The following HSPA13 variants were observed in gnomAD, a reference collection of about 807,000 sequenced individuals.
The protein encoded by HSPA13 is heat shock 70 kDa protein 13.
A neutral mutation model predicts 38.8 loss-of-function variants in HSPA13; 29 were observed. The observed-to-expected ratio is 0.75, with a 90% CI of 0.56 to 1.02. The LOEUF (loss-of-function observed/expected upper bound fraction) is 1.02. HSPA13 is among the 50% of genes least tolerant of loss of function. The pLI is 0.00. For synonymous variants in HSPA13, 192 were observed against 205.3 expected, an observed-to-expected ratio of 0.94 and a Z score of 0.56; for missense variants, 451 against 560.9, an observed-to-expected ratio of 0.80 and a Z score of 1.98.
intron 4 of HSPA13, among the ~76,000 whole-genome samples, chr21:14,374,559 G>A (rs767146775): frequency 6.6e-6 from 1 of 152,082 alleles, no homozygotes; most frequent in Non-Finnish European, 1.5e-5. Flanking sequence ...GCAAGACCCT[G>A]CCTCTATAAA....
intron 4 of HSPA13, 41 bp from the exon 5 acceptor site, chr21:14,374,325 G>A (rs1186858607): frequency 3.6e-6 from 5 of 1,391,872 alleles, no homozygotes. Flanking sequence ...ATGCATATAT[G>A]TGTGTATGTA....
chr21:14,373,535 CT>C lies in HSPA13; in HGVS notation c.*81del. ...AGGTAAATCTGTGATATTTTAGAGA[CT>C]TTCTTTTGTGGAAAAGGTAATCTGA... On this transcript the variant is annotated 3_prime_UTR_variant, in exon 5 of 5. Transcript: ENST00000285667. 1.6e-6 allele frequency: 2 copies of C among 1,228,576 alleles called. No homozygotes were observed. Among genetic ancestry groups the C allele is most frequent in the Non-Finnish European group, 2.2e-6 (2 of 892,336 alleles). 76.1% of individuals were successfully genotyped at this position (1,228,576 alleles called of 1,614,324 possible). A position where few individuals can be genotyped will look rare whatever the true frequency, so the allele number is the denominator to read the frequency against.
At chr21:14,382,456 T>C (rs1031987637) in intron 1 of HSPA13, among the ~76,000 whole-genome samples, 4 of 152,174 alleles carry the variant, frequency 2.6e-5, no homozygotes, top group African/African-American at 7.2e-5. Flanking sequence ...TCCGCTCATA[T>C]TACATATGAC....
chr21:14,375,408 G>A (rs2123523206), intron 4 of HSPA13, among the ~76,000 whole-genome samples: 1 of 145,980 alleles, frequency 6.9e-6, no homozygotes, highest in South Asian at 2.1e-4. Flanking sequence ...GAATTCTGGG[G>A]GAAAAAAAGG....
At position 14,373,931 on chromosome 21, in the gene HSPA13, T is replaced by C; in HGVS notation, c.1102A>G (p.Lys368Glu). The C allele has an allele frequency of 1.2e-6, 2 of 1,614,218 alleles. No homozygotes were observed. Among genetic ancestry groups the C allele is most frequent in the Non-Finnish European group, 8.5e-7 (1 of 1,180,036 alleles). ...QVLFETEISR[K>E]LFDTLNEDLF... The stretch of plus-strand genomic sequence containing the variant: ...TCTTCATTAAGGGTATCAAAGAGTT[T>C]CCGTGATATTTCTGTTTCAAATAAA... Residue 368 changes from lysine to glutamate, a missense_variant, in exon 5 of 5, where the codon AAA becomes GAA. Transcript: ENST00000285667.
intron 4 of HSPA13, among the ~76,000 whole-genome samples, chr21:14,375,245 C>T (rs962789083): frequency 2.0e-5 from 3 of 152,138 alleles, no homozygotes; most frequent in Non-Finnish European, 4.4e-5. Context: ...CATGAAAAGT[C>T]CTACTGGCTA....
At chr21:14,382,441 C>G (rs1310646202) in intron 1 of HSPA13, among the ~76,000 whole-genome samples, 1 of 152,122 alleles carries the variant, frequency 6.6e-6, no homozygotes, top group Non-Finnish European at 1.5e-5. Context: ...TGTTATACAC[C>G]TGTGTCCGCT....
At position 14,378,272 on chromosome 21, in the gene HSPA13, A is replaced by G. The variant is rs750315825; in HGVS notation, c.507T>C (p.Asn169=). 1.4e-5 allele frequency: 23 copies of G among 1,614,064 alleles called. No homozygotes were observed. The highest frequency in any genetic ancestry group is 2.2e-5 in the South Asian group (2 of 91,086). The part of the protein sequence containing the change: ...AEAYLGMPVA[N]AVISVPAEFD... Reference sequence around the variant, plus strand: ...ATTCTGCTGGTACAGAAATGACAGCATTGGCAACTGGCATTCCAAGATATG... The same window carrying G: ...ATTCTGCTGGTACAGAAATGACAGCGTTGGCAACTGGCATTCCAAGATATG... Residue 169 remains asparagine (N), a synonymous_variant, in exon 3 of 5, where the codon AAT becomes AAC. Transcript: ENST00000285667.
chr21:14,374,936 G>A lies in HSPA13; in HGVS notation c.749-652C>T, dbSNP rs553525522. On this transcript the variant is annotated intron_variant, in intron 4 of 4. Coordinates refer to ENST00000285667, the MANE Select transcript of HSPA13 (RefSeq NM_006948.5). The stretch of plus-strand genomic sequence containing the variant: ...AATAATTTCAAAGGAAAAGAGTAGT[G>A]TAATATAATTTCCTGGTATTTAACT... Among the ~76,000 whole-genome samples, 121 of 152,014 alleles carry A rather than the reference G, an allele frequency of 8.0e-4. 3 individuals are homozygous for A. The South Asian group carries it at 0.019, about 24-fold the overall frequency.
intron 2 of HSPA13, among the ~76,000 whole-genome samples, chr21:14,380,901 G>T (rs1449665322): frequency 6.6e-6 from 1 of 152,158 alleles, no homozygotes; most frequent in Non-Finnish European, 1.5e-5. Flanking sequence ...TACACACACA[G>T]AATATCTATC....
In HSPA13 at chr21:14,373,725, T is replaced by C. The variant is rs2123521514; in HGVS notation, c.1308A>G (p.Val436=). 1 of 1,614,214 alleles carries C rather than the reference T, an allele frequency of 6.2e-7. No individual in the cohort carries two copies. The highest frequency in any genetic ancestry group is 8.5e-7 in the Non-Finnish European group (1 of 1,180,022). ...PNTSVDPDLA[V]VTGVAIQAGI... ...CTGCTTGGATAGCCACTCCCGTTAC[T>C]ACTGCTAGGTCAGGGTCTACAGATG... Residue 436 remains valine (V), a synonymous_variant, in exon 5 of 5, where the codon GTA becomes GTG. Coordinates refer to ENST00000285667, the MANE Select transcript of HSPA13 (RefSeq NM_006948.5).
chr21:14,381,757 AAAC>A (rs1208492530), intron 1 of HSPA13, among the ~76,000 whole-genome samples: 2 of 152,186 alleles, frequency 1.3e-5, no homozygotes, highest in East Asian at 1.9e-4. Context: ...AAGTAAACAC[AAAC>A]AACAAAAAAC....
Position 14,373,649 on chromosome 21 carries a change from T to C in HSPA13, c.1384A>G (p.Asn462Asp), listed in dbSNP as rs762582059. 1.9e-6 allele frequency: 3 copies of C among 1,612,466 alleles called. No individual in the cohort carries two copies. The South Asian group carries it at 3.3e-5, about 18-fold the overall frequency. ...AAGTTGGTTTTTTGTAAATGCTTAT[T>C]GGGAATTTCTAAAGCACTGACTTGG... ...PLQVSALEIP[N>D]KHLQKTNFN is the part of the protein sequence containing the mutation. Residue 462 changes from asparagine to aspartate, a missense_variant, in exon 5 of 5, where the codon AAT (asparagine) becomes GAT (aspartate). Transcript: ENST00000285667.
rs1329403124 is a variant in HSPA13 at position 14,372,566 on chromosome 21, T to A, written c.*1051A>T. On this transcript the variant is annotated 3_prime_UTR_variant, in exon 5 of 5. Transcript: ENST00000285667. ...ATGTTTGAAAAGAGTCCAAGTGTGA[T>A]TATTTAAAAATAATAATAGAAAACA... The A allele has an allele frequency of 1.3e-5, 2 of 152,140 alleles. No individual in the cohort carries two copies. Among genetic ancestry groups the A allele is most frequent in the Non-Finnish European group, 2.9e-5 (2 of 67,978 alleles). The allele number at this position is 152,140 out of a possible 1,614,324, so 9.4% of individuals were successfully genotyped here. A position where few individuals can be genotyped will look rare whatever the true frequency, so the allele number is the denominator to read the frequency against.
intron 3 of HSPA13, among the ~76,000 whole-genome samples, chr21:14,377,090 C>T (rs533557540): frequency 6.6e-6 from 1 of 152,258 alleles, no homozygotes; most frequent in East Asian, 1.9e-4. Flanking sequence ...AGGCTAGGGA[C>T]GCTGTTAAAT....
rs1226584384 is a variant in HSPA13, at chr21:14,374,089, T to C, written c.944A>G (p.Glu315Gly). Residue 315 changes from glutamate (E) to glycine (G), a missense_variant, in exon 5 of 5, where the codon GAG (glutamate) becomes GGG (glycine). Coordinates refer to ENST00000285667, the MANE Select transcript of HSPA13 (RefSeq NM_006948.5). ...AQLSVLLTVE[E>G]QDRKEPHSSD... ...ACTGTGAGGTTCCTTCCTGTCCTGC[T>C]CCTCCACCGTTAGTAATACTGACAA... 1.2e-6 allele frequency: 2 copies of C among 1,614,028 alleles called. No individual in the cohort carries two copies. Among genetic ancestry groups the C allele is most frequent in the Non-Finnish European group, 1.7e-6 (2 of 1,180,038 alleles).
chr21:14,381,626 C>T (rs1314153033), intron 1 of HSPA13, 83 bp from the exon 2 acceptor site: 14 of 1,202,120 alleles, frequency 1.2e-5, no homozygotes, highest in East Asian at 1.0e-4. Context: ...CCTTTAATAT[C>T]ACTCGTTGAA....
At position 14,371,153 on chromosome 21, in the gene HSPA13, A is replaced by G. The variant is rs989644930; in HGVS notation, c.*2464T>C. 1 of 152,644 alleles carries G rather than the reference A, an allele frequency of 6.6e-6. No homozygotes were observed. The highest frequency in any genetic ancestry group is 1.5e-5 in the Non-Finnish European group (1 of 68,024). 9.5% of individuals were successfully genotyped at this position (152,644 alleles called of 1,614,324 possible). On this transcript the variant is annotated 3_prime_UTR_variant, in exon 5 of 5. Coordinates refer to ENST00000285667, the MANE Select transcript of HSPA13 (RefSeq NM_006948.5). Reference sequence around the variant, plus strand: ...CTGCAAAATGGTATTTATTTACATTAAAACATGAATTGCCTGTATACACAC... The same window carrying G: ...CTGCAAAATGGTATTTATTTACATTGAAACATGAATTGCCTGTATACACAC...
chr21:14,378,531 A>T (rs1321507464), intron 2 of HSPA13, 119 bp from the exon 3 acceptor site: 5 of 653,934 alleles, frequency 7.6e-6, no homozygotes, highest in Non-Finnish European at 1.1e-5. Flanking sequence ...AAATCAAAAA[A>T]TGCATTTGAA....
Sources: allele counts gnomAD v4.1 joint callset (sites outside exome capture counted in the v4.1 genomes callset), GRCh38; gene constraint gnomAD v4.1.1; transcripts MANE v1.5; gene names NCBI Gene and HGNC (gene_info 2026-07-23, HGNC 2026-07-21).